Variants in PSMD6 observed in about 807,000 individuals in gnomAD.
PSMD6 encodes 26S proteasome non-ATPase regulatory subunit 6.
A neutral mutation model predicts 44.9 loss-of-function variants in PSMD6; 7 were observed. The ratio of observed to expected loss-of-function variants is 0.16; its 90% CI spans 0.09 to 0.29. PSMD6 has a LOEUF of 0.29. Ranked by LOEUF, PSMD6 falls within the 10% of genes least tolerant of loss-of-function variation. PSMD6 has a pLI of 1.00. For synonymous variants in PSMD6, 184 were observed against 172.7 expected, an observed-to-expected ratio of 1.07 and a Z score of -0.51; for missense variants, 420 against 482.6, an observed-to-expected ratio of 0.87 and a Z score of 1.21.
chr3:64,016,540 GC>G (rs2076046886), intron 5 of PSMD6: 1 of 147,662 alleles, frequency 6.8e-6, no homozygotes, highest in Non-Finnish European at 1.5e-5. Flanking sequence ...AAAACAGAGT[GC>G]TAAGTTTTAG....
At position 64,010,625 on chromosome 3, in the gene PSMD6, A is replaced by AAAT. The variant is rs2075920448; in HGVS notation, c.*40_*42dup. ...TTGTGAAGTAAGCTATAAAAATTCCAAATAATTATCTCTAAAGCAAATCCT... is the reference window on the plus strand; with the variant it reads ...TTGTGAAGTAAGCTATAAAAATTCCAAATAATAATTATCTCTAAAGCAAATCCT... On this transcript the variant is annotated 3_prime_UTR_variant, in exon 8 of 8. Coordinates refer to ENST00000295901, the MANE Select transcript of PSMD6 (RefSeq NM_014814.3). 1 of 1,445,644 alleles carries AAAT rather than the reference A, an allele frequency of 6.9e-7. No individual in the cohort carries two copies. Among genetic ancestry groups the AAAT allele is most frequent in the Admixed American group, 2.0e-5 (1 of 51,094 alleles). The allele number at this position is 1,445,644 out of a possible 1,614,324, so 89.6% of individuals were successfully genotyped here. A position where few individuals can be genotyped will look rare whatever the true frequency, so the allele number is the denominator to read the frequency against.
chr3:64,021,098 TC>T (rs1400212952), intron 2 of PSMD6, among the ~76,000 whole-genome samples: 1 of 152,118 alleles, frequency 6.6e-6, no homozygotes, highest in Non-Finnish European at 1.5e-5. Context: ...CTGTTCATTG[TC>T]CCGGCGATTT....
intron 5 of PSMD6, chr3:64,017,470 G>A (rs922069001): frequency 1.3e-5 from 2 of 152,140 alleles, no homozygotes; most frequent in African/African-American, 2.4e-5. Flanking sequence ...TTCTGACTGA[G>A]GGAAGCAGGG....
At chr3:64,023,118 A>G in intron 1 of PSMD6, 157 bp downstream of exon 1, 1 of 1,425,364 alleles carries the variant, frequency 7.0e-7, no homozygotes. Flanking sequence ...GGTATCCCCA[A>G]ACCAAAGCAA....
chr3:64,021,118 A>G (rs1439563176), intron 2 of PSMD6, among the ~76,000 whole-genome samples: 1 of 152,216 alleles, frequency 6.6e-6, no homozygotes, highest in Non-Finnish European at 1.5e-5. Flanking sequence ...TTTGTTTCAT[A>G]TACTATACCC....
At chr3:64,015,817 G>A (rs1448530931) in intron 5 of PSMD6, 1 of 152,098 alleles carries the variant, frequency 6.6e-6, no homozygotes, top group Admixed American at 6.5e-5. Context: ...TTCTTTATAT[G>A]ATACTGTTTA....
chr3:64,017,256 G>A (rs922054567), intron 5 of PSMD6: 1 of 152,174 alleles, frequency 6.6e-6, no homozygotes, highest in Non-Finnish European at 1.5e-5. Flanking sequence ...ATATGAAAAA[G>A]CACTGAATTG....
rs764384889 is a variant in PSMD6 at position 64,018,634 on chromosome 3, T to C, written c.791A>G (p.Tyr264Cys). The part of the protein sequence containing the change: ...PAVRQYLFSL[Y>C]ECRYSVFFQS... The stretch of plus-strand genomic sequence containing the variant: ...GAAGAAAACAGAGTAACGGCATTCA[T>C]AGAGTGAAAACAGATACTGCCGAAC... The change falls in exon 5 of 8, where the codon TAT becomes TGT. Residue 264 changes from tyrosine to cysteine, a missense_variant. Tyr to Cys is a radical substitution (Grantham distance 194). This residue lies in a region of PSMD6 where 216 missense variants were observed against 227.0 expected (regional missense o/e 0.95). Coordinates refer to ENST00000295901, the MANE Select transcript of PSMD6 (RefSeq NM_014814.3). The C allele has an allele frequency of 4.4e-6, 7 of 1,595,596 alleles. No individual in the cohort carries two copies. The highest frequency in any genetic ancestry group is 5.2e-6 in the Non-Finnish European group (6 of 1,163,332).
rs1336061620 is a variant in PSMD6 at position 64,022,333 on chromosome 3, G to A, written c.336C>T (p.Cys112=). 3 of 1,614,134 alleles carry A rather than the reference G, an allele frequency of 1.9e-6. No homozygotes were observed. Among genetic ancestry groups the A allele is most frequent in the Non-Finnish European group, 2.5e-6 (3 of 1,180,046 alleles). ...DAMMAKAEYL[C]RIGDKEGALT... ...CTCTACTCACTTTGTCACCTATCCG[G>A]CAGAGGTACTCGGCCTTTGCCATCA... The change falls in exon 2 of 8, where the codon TGC becomes TGT. Residue 112 remains cysteine (C), a synonymous_variant. Transcript: ENST00000295901.
intron 5 of PSMD6, chr3:64,015,490 C>T (rs1372301010): frequency 6.6e-6 from 1 of 152,198 alleles, no homozygotes; most frequent in Non-Finnish European, 1.5e-5. Context: ...AAAGGATAAC[C>T]TGAAGCTCCT....
Position 64,022,366 on chromosome 3 carries a change from G to A in PSMD6, c.303C>T (p.Arg101=), listed in dbSNP as rs762613536. ...ACTCGGCCTTTGCCATCATTGCATC[G>A]CGAATTTCGCTCTCTCCTAGATTCT... The part of the protein sequence containing the change: ...AEKNLGESEI[R]DAMMAKAEYL... The change falls in exon 2 of 8, where the codon CGC becomes CGT. Residue 101 remains arginine (R), a synonymous_variant. Coordinates refer to ENST00000295901, the MANE Select transcript of PSMD6 (RefSeq NM_014814.3). 4.3e-6 allele frequency: 7 copies of A among 1,614,004 alleles called. No homozygotes were observed. Among genetic ancestry groups the A allele is most frequent in the African/African-American group, 1.3e-5 (1 of 74,892 alleles).
Position 64,013,620 on chromosome 3 carries a change from A to C in PSMD6, c.827-13T>G, listed in dbSNP as rs761002269. On this transcript the variant is annotated splice_polypyrimidine_tract_variant and intron_variant, in intron 5 of 7. Transcript: ENST00000295901. ...TGTTCCACAACCGCTGCAATGAATA[A>C]AATGACAAATTATAATAGACTCTCC... is the stretch of plus-strand genomic sequence containing the variant. 1.9e-6 allele frequency: 3 copies of C among 1,596,844 alleles called. No individual in the cohort carries two copies. Among genetic ancestry groups the C allele is most frequent in the Non-Finnish European group, 2.6e-6 (3 of 1,173,476 alleles).
intron 6 of PSMD6, chr3:64,013,177 A>T (rs961428013): frequency 6.3e-6 from 2 of 317,106 alleles, no homozygotes; most frequent in Admixed American, 9.5e-5. Flanking sequence ...AACTTTTGAT[A>T]ACAACTGGTC....
At chr3:64,016,468 AAG>A (rs2076045843) in intron 5 of PSMD6, 1 of 152,104 alleles carries the variant, frequency 6.6e-6, no homozygotes, top group African/African-American at 2.4e-5. Flanking sequence ...AAAAAAAAAA[AAG>A]CATAAGTTCT....
chr3:64,016,334 T>C (rs2076043718), intron 5 of PSMD6: 1 of 152,084 alleles, frequency 6.6e-6, no homozygotes, highest in Non-Finnish European at 1.5e-5. Context: ...CTTTCTCAAT[T>C]TATTTTTGAT....
chr3:64,010,858 A>T lies in PSMD6; in HGVS notation c.1073+20T>A, dbSNP rs754610524. ...CTTTTAAAATTTAGGAATGCCCCTT[A>T]TTCTGAGAAATGAGAGTACCTGTTG... is the stretch of plus-strand genomic sequence containing the variant. On this transcript the variant is annotated intron_variant, in intron 7 of 7. Coordinates refer to ENST00000295901, the MANE Select transcript of PSMD6 (RefSeq NM_014814.3). 1.3e-6 allele frequency: 2 copies of T among 1,592,594 alleles called. No homozygotes were observed. The highest frequency in any genetic ancestry group is 1.3e-5 in the African/African-American group (1 of 74,148).
intron 5 of PSMD6, 55 bp from the exon 6 acceptor site, chr3:64,013,662 T>C: frequency 6.7e-7 from 1 of 1,484,552 alleles, no homozygotes. Flanking sequence ...GATAAAAAGA[T>C]TAAAAACTAA....
intron 2 of PSMD6, among the ~76,000 whole-genome samples, chr3:64,021,097 G>A (rs74397545): frequency 0.019 from 2,922 of 151,852 alleles, 33 homozygotes; most frequent in African/African-American, 0.023. Flanking sequence ...ACTGTTCATT[G>A]TCCCGGCGAT....
At chr3:64,017,498 GT>G (rs2076064271) in intron 5 of PSMD6, 1 of 152,206 alleles carries the variant, frequency 6.6e-6, no homozygotes, top group Non-Finnish European at 1.5e-5. Flanking sequence ...CCATATTTGA[GT>G]TGAGTGATGA....
Sources: gnomAD v4.1 joint callset for allele counts (sites outside exome capture counted in the v4.1 genomes callset) on GRCh38, gnomAD v4.1.1 for gene constraint, gnomAD v4.1.1 regional missense constraint, MANE v1.5 for transcripts, NCBI Gene and HGNC (gene_info 2026-07-23, HGNC 2026-07-21) for gene names.